GABRB3: variants seen among roughly 807,000 people sequenced by gnomAD.
GABRB3 encodes gamma-aminobutyric acid type A receptor subunit beta3.
A neutral mutation model predicts 52.1 loss-of-function variants in GABRB3; 14 were observed. The observed-to-expected ratio is 0.27, with a 90% CI of 0.18 to 0.42. The LOEUF (loss-of-function observed/expected upper bound fraction) is 0.42. Ranked by LOEUF, GABRB3 falls within the 10% of genes least tolerant of loss-of-function variation. The pLI is 1.00. For missense variants in GABRB3, 307 were observed against 609.1 expected (o/e 0.50, Z 5.22); for synonymous variants, 260 against 232.3 (o/e 1.12, Z -1.08).
intron 4 of GABRB3, among the ~76,000 whole-genome samples, chr15:26,617,130 A>G (rs1014672535): frequency 2.6e-5 from 4 of 152,170 alleles, no homozygotes; most frequent in African/African-American, 9.7e-5. Flanking sequence ...AGATGGATTC[A>G]CAGCCGAATT....
At chr15:26,726,873 T>A (rs1478523744) in intron 3 of GABRB3, among the ~76,000 whole-genome samples, 1 of 152,060 alleles carries the variant, frequency 6.6e-6, no homozygotes, top group Non-Finnish European at 1.5e-5. Context: ...CTCATTAAAA[T>A]TTCACACCCA....
intron 3 of GABRB3, among the ~76,000 whole-genome samples, chr15:26,749,413 T>C (rs576058537): frequency 6.6e-6 from 1 of 152,340 alleles, no homozygotes; most frequent in Admixed American, 6.5e-5. Context: ...ATTTTAAATG[T>C]ACTAGAGTTT....
At chr15:26,636,864 C>G (rs1893074286) in intron 3 of GABRB3, among the ~76,000 whole-genome samples, 1 of 152,192 alleles carries the variant, frequency 6.6e-6, no homozygotes, top group African/African-American at 2.4e-5. Flanking sequence ...TAAACACAGA[C>G]ACAGGTTCCA....
intron 3 of GABRB3, among the ~76,000 whole-genome samples, chr15:26,683,806 G>C (rs530068306): frequency 2.6e-5 from 4 of 152,080 alleles, no homozygotes; most frequent in African/African-American, 9.7e-5. Flanking sequence ...TCATGAGTGG[G>C]GACCTGGCTT....
chr15:26,613,845 C>T (rs1312505652), intron 4 of GABRB3: 3 of 152,348 alleles, frequency 2.0e-5, no homozygotes, highest in African/African-American at 7.2e-5. Flanking sequence ...GAGAAGGGCT[C>T]TCCCTATCAG....
At chr15:26,689,468 G>GT in intron 3 of GABRB3, among the ~76,000 whole-genome samples, 1 of 152,164 alleles carries the variant, frequency 6.6e-6, no homozygotes. Flanking sequence ...AGGTGGTCAA[G>GT]TAAACATGTT....
At chr15:26,642,941 C>T (rs923719385) in intron 3 of GABRB3, among the ~76,000 whole-genome samples, 2 of 152,144 alleles carry the variant, frequency 1.3e-5, no homozygotes, top group African/African-American at 2.4e-5. Context: ...CAGTCTGTCT[C>T]AGTCCCTCGG....
At chr15:26,586,081 C>T (rs536916867) in intron 4 of GABRB3, among the ~76,000 whole-genome samples, 2 of 152,238 alleles carry the variant, frequency 1.3e-5, no homozygotes, top group East Asian at 3.9e-4. Context: ...TCACTGCAAG[C>T]TCCATCTCCC....
chr15:26,759,853 C>T (rs1253113854), intron 3 of GABRB3, among the ~76,000 whole-genome samples: 1 of 152,210 alleles, frequency 6.6e-6, no homozygotes, highest in East Asian at 1.9e-4. Context: ...TACTTCTCTA[C>T]TGGATGGTTC....
chr15:26,669,751 T>C (rs1056787863), intron 3 of GABRB3, among the ~76,000 whole-genome samples: 2 of 152,214 alleles, frequency 1.3e-5, no homozygotes, highest in South Asian at 4.1e-4. Context: ...TTCTGCTGTC[T>C]TTCCTTTGCT....
rs1245736190 is a variant in GABRB3, at chr15:26,692,256, T to C, written c.241-70722A>G. Among the ~76,000 whole-genome samples the C allele has an allele frequency of 3.3e-5, 5 of 152,126 alleles. No individual in the cohort carries two copies. The East Asian group carries it at 7.7e-4, about 23-fold the overall frequency. Reference sequence around the variant, plus strand: ...ATCCCTTTTCTGGTTTGTGGTTGTCTAAGAGAGAGGGTATCCAACTGAAAT... The same window carrying C: ...ATCCCTTTTCTGGTTTGTGGTTGTCCAAGAGAGAGGGTATCCAACTGAAAT... On this transcript the variant is annotated intron_variant, in intron 3 of 8. Coordinates refer to ENST00000311550, the MANE Select transcript of GABRB3 (RefSeq NM_000814.6).
intron 3 of GABRB3, among the ~76,000 whole-genome samples, chr15:26,688,491 G>T (rs771276618): frequency 8.5e-5 from 13 of 152,162 alleles, no homozygotes; most frequent in Non-Finnish European, 1.3e-4. Flanking sequence ...TTGTTTCTTT[G>T]GGGGTGGGGC....
chr15:26,605,569 T>C (rs1891757704), intron 4 of GABRB3, among the ~76,000 whole-genome samples: 1 of 152,152 alleles, frequency 6.6e-6, no homozygotes, highest in South Asian at 2.1e-4. Context: ...CACAATGGAG[T>C]ACTTGTGTAT....
chr15:26,606,238 C>T (rs573917343), intron 4 of GABRB3, among the ~76,000 whole-genome samples: 164 of 152,146 alleles, frequency 1.1e-3, no homozygotes, highest in Middle Eastern at 3.4e-3. Flanking sequence ...GATAGCACAA[C>T]AGGGGGACTA....
intron 8 of GABRB3, among the ~76,000 whole-genome samples, chr15:26,551,034 C>T (rs2928695): frequency 0.058 from 8,836 of 152,198 alleles, 818 homozygotes; most frequent in African/African-American, 0.2. Context: ...AGGCAAACAC[C>T]GTTCCCAGCA....
rs1287635472 is a variant in GABRB3 at position 26,613,991 on chromosome 15, T to C, written c.461+7323A>G. On this transcript the variant is annotated intron_variant, in intron 4 of 8. Transcript: ENST00000311550. ...AGGACAGGGGCATGCCTGATGTTTC[T>C]GAAGAGCAGAAGGAAAGTGTGTGTA... 4.6e-5 allele frequency: 7 copies of C among 152,388 alleles called. 1 individual carries two copies. Among genetic ancestry groups the C allele is most frequent in the South Asian group, 4.1e-4 (2 of 4,824 alleles). 9.4% of individuals were successfully genotyped at this position (152,388 alleles called of 1,614,324 possible).
At chr15:26,631,247 G>A (rs927537121) in intron 3 of GABRB3, among the ~76,000 whole-genome samples, 3 of 152,208 alleles carry the variant, frequency 2.0e-5, no homozygotes, top group African/African-American at 7.2e-5. Flanking sequence ...CTCATCTTTA[G>A]GTGTATAATT....
chr15:26,558,673 C>A (rs1207966189), intron 8 of GABRB3, among the ~76,000 whole-genome samples: 2 of 152,010 alleles, frequency 1.3e-5, no homozygotes, highest in Admixed American at 1.3e-4. Flanking sequence ...GAGGCCAAGG[C>A]AGGTGGATCA....
At chr15:26,604,835 C>A (rs1288467275) in intron 4 of GABRB3, among the ~76,000 whole-genome samples, 1 of 152,072 alleles carries the variant, frequency 6.6e-6, no homozygotes, top group Non-Finnish European at 1.5e-5. Context: ...ACTGGAGAAA[C>A]TCTCCAGGAC....
Sources: gnomAD v4.1 joint callset for allele counts (sites outside exome capture counted in the v4.1 genomes callset) on GRCh38, gnomAD v4.1.1 for gene constraint, MANE v1.5 for transcripts, NCBI Gene and HGNC (gene_info 2026-07-23, HGNC 2026-07-21) for gene names.